The following SP4 variants were observed in gnomAD, a reference collection of about 807,000 sequenced individuals.
SP4 encodes Sp4 transcription factor.
A neutral mutation model predicts 72.8 loss-of-function variants in SP4; 19 were observed. The ratio of observed to expected loss-of-function variants is 0.26; its 90% CI spans 0.18 to 0.38. The LOEUF (loss-of-function observed/expected upper bound fraction) is 0.38, where lower values mean the gene tolerates loss of function less well. Among genes scored for constraint, SP4 ranks in the 10% least tolerant of loss-of-function variants. SP4 has a pLI of 1.00. For synonymous variants in SP4, 395 were observed against 333.1 expected, an observed-to-expected ratio of 1.19 and a Z score of -2.02; for missense variants, 1,008 against 926.3, an observed-to-expected ratio of 1.09 and a Z score of -1.14.
intron 3 of SP4, among the ~76,000 whole-genome samples, chr7:21,457,701 A>G (rs1396685523): frequency 3.3e-5 from 5 of 152,190 alleles, no homozygotes; most frequent in Non-Finnish European, 5.9e-5. Flanking sequence ...TAAAATAATA[A>G]TTAAATCCCC....
intron 3 of SP4, among the ~76,000 whole-genome samples, chr7:21,468,727 A>G (rs1414927167): frequency 6.6e-6 from 1 of 152,064 alleles, no homozygotes; most frequent in Non-Finnish European, 1.5e-5. Context: ...TTTATTTCTT[A>G]TATAGATCTG....
intron 5 of SP4, among the ~76,000 whole-genome samples, chr7:21,492,629 A>G (rs1785009765): frequency 6.6e-6 from 1 of 152,234 alleles, no homozygotes; most frequent in Non-Finnish European, 1.5e-5. Flanking sequence ...AAAACAGACA[A>G]TTTAAAAACA....
At chr7:21,462,428 T>C (rs1163739944) in intron 3 of SP4, among the ~76,000 whole-genome samples, 1 of 152,184 alleles carries the variant, frequency 6.6e-6, no homozygotes, top group African/African-American at 2.4e-5. Flanking sequence ...TTAAGGGTAA[T>C]TCTGTAGAGT....
rs1348778984 is a variant in SP4 at position 21,512,490 on chromosome 7, A to T, written c.*1221A>T. 6.6e-6 allele frequency: 1 copy of T among 151,886 alleles called. No individual in the cohort carries two copies. Among genetic ancestry groups the T allele is most frequent in the African/African-American group, 2.4e-5 (1 of 41,362 alleles). The allele number at this position is 151,886 out of a possible 1,614,324, so 9.4% of individuals were successfully genotyped here. ...CTTTTATTTTTGAAAAGGCAGAATA[A>T]TTTTCAGTGAAGTAAGTGACTAAAG... On this transcript the variant is annotated 3_prime_UTR_variant, in exon 6 of 6. Transcript: ENST00000222584.
In SP4 at chr7:21,487,232, G is replaced by A. The variant is rs115869474; in HGVS notation, c.2107+5109G>A. On this transcript the variant is annotated intron_variant, in intron 5 of 5. Transcript: ENST00000222584. ...CCCCTGTTTTGTTTTTAACGCTAAG[G>A]GCGCCTTTTAATCTGTGGTGTGCTG... 9.7e-3 allele frequency among the ~76,000 whole-genome samples: 1,471 copies of A among 152,114 alleles called. 30 individuals are homozygous for A. The highest frequency in any genetic ancestry group is 0.034 in the African/African-American group (1,413 of 41,494).
At chr7:21,465,086 C>T (rs1352901367) in intron 3 of SP4, among the ~76,000 whole-genome samples, 1 of 151,996 alleles carries the variant, frequency 6.6e-6, no homozygotes. Flanking sequence ...GGAAGGATTT[C>T]CTCAACATAA....
chr7:21,454,718 C>T (rs1318765044), intron 3 of SP4, among the ~76,000 whole-genome samples: 1 of 152,190 alleles, frequency 6.6e-6, no homozygotes, highest in Non-Finnish European at 1.5e-5. Context: ...CATGTGGGCT[C>T]TCTCTAAACC....
In SP4 at chr7:21,454,728, C is replaced by T. The variant is rs1178178148; in HGVS notation, c.1679-22351C>T. Among the ~76,000 whole-genome samples, 13 of 152,250 alleles carry T rather than the reference C, an allele frequency of 8.5e-5. No homozygotes were observed. The East Asian group carries it at 2.5e-3, about 29-fold the overall frequency. ...CAATACATGTGGGCTCTCTCTAAAC[C>T]TCTGAGGTAGGACTTTCCAGTTGAA... On this transcript the variant is annotated intron_variant, in intron 3 of 5. Transcript: ENST00000222584.
At chr7:21,498,044 TCA>T (rs1464044904) in intron 5 of SP4, among the ~76,000 whole-genome samples, 3 of 152,028 alleles carry the variant, frequency 2.0e-5, no homozygotes, top group South Asian at 4.1e-4. Flanking sequence ...CGCCTTACTC[TCA>T]GTTTTCTACT....
chr7:21,486,956 C>T (rs576211260), intron 5 of SP4, among the ~76,000 whole-genome samples: 2 of 152,330 alleles, frequency 1.3e-5, no homozygotes, highest in Non-Finnish European at 2.9e-5. Context: ...TAGCATTCCT[C>T]AGTGGATCTT....
intron 3 of SP4, among the ~76,000 whole-genome samples, chr7:21,445,878 G>C (rs1316305436): frequency 1.3e-5 from 2 of 151,970 alleles, no homozygotes; most frequent in African/African-American, 4.8e-5. Context: ...TTTACATTTT[G>C]CAAGAGTTTG....
At chr7:21,439,016 G>GGTAT (rs199936073) in intron 3 of SP4, among the ~76,000 whole-genome samples, 2,015 of 152,170 alleles carry the variant, frequency 0.013, 35 homozygotes, top group African/African-American at 0.035. Context: ...CTTTATCACA[G>GGTAT]GTATGTATGT....
At chr7:21,460,812 G>A (rs1263086594) in intron 3 of SP4, among the ~76,000 whole-genome samples, 1 of 152,132 alleles carries the variant, frequency 6.6e-6, no homozygotes, top group Non-Finnish European at 1.5e-5. Flanking sequence ...GACACAGAAT[G>A]CTGATTGGTG....
At chr7:21,459,005 A>G (rs1331975444) in intron 3 of SP4, among the ~76,000 whole-genome samples, 1 of 152,226 alleles carries the variant, frequency 6.6e-6, no homozygotes, top group East Asian at 1.9e-4. Flanking sequence ...GACCCTAACA[A>G]CTGACAGGGC....
intron 3 of SP4, among the ~76,000 whole-genome samples, chr7:21,460,946 CCCA>C (rs943893946): frequency 6.6e-6 from 1 of 151,528 alleles, no homozygotes; most frequent in Non-Finnish European, 1.5e-5. Flanking sequence ...TCTCCAAGTC[CCCA>C]CCAAGATTAG....
At chr7:21,510,840 C>G (rs1388131115) in intron 5 of SP4, among the ~76,000 whole-genome samples, 182 bp from the exon 6 acceptor site, 1 of 152,182 alleles carries the variant, frequency 6.6e-6, no homozygotes, top group Admixed American at 6.5e-5. Flanking sequence ...CTTTTCGTCT[C>G]AATCACATGG....
intron 2 of SP4, 23 bp downstream of exon 2, chr7:21,428,815 A>G (rs971653184): frequency 2.0e-6 from 3 of 1,531,524 alleles, no homozygotes; most frequent in African/African-American, 1.4e-5. Flanking sequence ...AAATTAAAAA[A>G]ATTCATCACG....
intron 5 of SP4, among the ~76,000 whole-genome samples, chr7:21,495,099 C>T (rs1785075310): frequency 6.6e-6 from 1 of 152,128 alleles, no homozygotes; most frequent in Non-Finnish European, 1.5e-5. Flanking sequence ...GATTCAGAGA[C>T]TTAAATCCAA....
At chr7:21,477,330 G>T (rs1159099052) in intron 4 of SP4, 23 bp downstream of exon 4, 2 of 1,523,882 alleles carry the variant, frequency 1.3e-6, no homozygotes, top group Admixed American at 1.7e-5. Flanking sequence ...TTTTTCAACT[G>T]TGTCTATTTG....
Sources: gnomAD v4.1 joint callset for allele counts (sites outside exome capture counted in the v4.1 genomes callset) on GRCh38, gnomAD v4.1.1 for gene constraint, MANE v1.5 for transcripts, NCBI Gene and HGNC (gene_info 2026-07-23, HGNC 2026-07-21) for gene names.